The following LRRC17 variants were observed in gnomAD, a reference collection of about 807,000 sequenced individuals.
LRRC17 encodes the protein leucine-rich repeat-containing protein 17.
Under a neutral mutation model 41.5 loss-of-function variants are expected in LRRC17, and 33 were observed. The ratio of observed to expected loss-of-function variants is 0.80; its 90% CI spans 0.60 to 1.06. The LOEUF (loss-of-function observed/expected upper bound fraction) is 1.06. Ranked by LOEUF, LRRC17 falls within the 50% of genes least tolerant of loss-of-function variation. The pLI, the probability that LRRC17 is intolerant of heterozygous loss-of-function variation, is 0.00. For synonymous variants in LRRC17, 192 were observed against 197.0 expected (o/e 0.97, Z 0.21); for missense variants, 491 against 519.3 (o/e 0.95, Z 0.53).
intron 3 of LRRC17, among the ~76,000 whole-genome samples, chr7:102,941,328 G>A (rs1162919879): frequency 6.6e-6 from 1 of 152,142 alleles, no homozygotes; most frequent in Non-Finnish European, 1.5e-5. Flanking sequence ...AAAGAATCTG[G>A]AAGTGGAGAC....
Position 102,944,444 on chromosome 7 carries a change from C to T in LRRC17, c.1163C>T (p.Ser388Phe). 1 of 1,613,892 alleles carries T rather than the reference C, an allele frequency of 6.2e-7. No homozygotes were observed. Among genetic ancestry groups the T allele is most frequent in the African/African-American group, 1.3e-5 (1 of 74,978 alleles). The change falls in exon 4 of 4, where the codon TCT (serine) becomes TTT (phenylalanine). Residue 388 changes from serine to phenylalanine, a missense_variant. Physicochemically the swap from Ser to Phe is radical, Grantham distance 155. Coordinates refer to ENST00000339431, the MANE Select transcript of LRRC17 (RefSeq NM_001031692.3). ...ACGCCTGAAGAATACAAAGGATGGT[C>T]TGTGGGAAAATATATTAGAAGTTAC... ...CKTPEEYKGWSVGKYIRSYYE... is the reference protein window; with the variant it reads ...CKTPEEYKGWFVGKYIRSYYE...
At chr7:102,925,557 T>C (rs568557603) in intron 1 of LRRC17, among the ~76,000 whole-genome samples, 4 of 151,826 alleles carry the variant, frequency 2.6e-5, no homozygotes, top group African/African-American at 7.2e-5. Flanking sequence ...TCCCTAGAGG[T>C]GGTGGGAGTC....
Position 102,934,196 on chromosome 7 carries a change from A to G in LRRC17, c.283A>G (p.Thr95Ala), listed in dbSNP as rs1385052517. Residue 95 changes from threonine to alanine, a missense_variant, in exon 2 of 4, where the codon ACA becomes GCA. By Grantham distance (58) the Thr-to-Ala change is moderately conservative (BLOSUM62 0). Transcript: ENST00000339431. The part of the protein sequence containing the change: ...HMLLARNKIR[T>A]LKNNMFSKFK... ...GCTGCTAGCAAGAAACAAGATCCGC[A>G]CATTGAAGAACAACATGTTTTCCAA... 2 of 1,614,134 alleles carry G rather than the reference A, an allele frequency of 1.2e-6. No individual in the cohort carries two copies. Among genetic ancestry groups the G allele is most frequent in the Admixed American group, 3.3e-5 (2 of 60,004 alleles).
chr7:102,942,343 G>GT (rs1218924293), intron 3 of LRRC17: 2 of 1,581,770 alleles, frequency 1.3e-6, no homozygotes, highest in Admixed American at 1.8e-5. Context: ...TTTTGCTGTG[G>GT]TAAGTATACA....
rs183278180 is a variant in LRRC17 at position 102,917,071 on chromosome 7, T to C, written c.-141+3926T>C. Among the ~76,000 whole-genome samples, 8 of 152,292 alleles carry C rather than the reference T, an allele frequency of 5.3e-5. 1 individual carries two copies. In the Middle Eastern group the frequency reaches 0.02, roughly 389 times the overall value. On this transcript the variant is annotated intron_variant, in intron 1 of 3. Transcript: ENST00000339431. ...TACTCTGTAAAAGAGGGAATTTGCA[T>C]GTGGATTCTTTTGAGTTGAGTGTTG... is the stretch of plus-strand genomic sequence containing the variant.
intron 1 of LRRC17, among the ~76,000 whole-genome samples, chr7:102,925,426 A>G (rs1817934320): frequency 6.6e-6 from 1 of 152,084 alleles, no homozygotes; most frequent in Non-Finnish European, 1.5e-5. Flanking sequence ...TTTTTGATAA[A>G]TTTGAATATT....
intron 1 of LRRC17, among the ~76,000 whole-genome samples, chr7:102,929,279 G>A (rs1210648957): frequency 1.3e-5 from 2 of 152,174 alleles, no homozygotes; most frequent in East Asian, 1.9e-4. Flanking sequence ...GTTCTAAAAC[G>A]GGAGATACAT....
In LRRC17 at chr7:102,913,021, A is replaced by C; in HGVS notation, c.-265A>C. ...CAGCATTAGTATAACGTGAGGGCTG[A>C]ATGCAGCCCATTCTCTGGAGAACTT... On this transcript the variant is annotated 5_prime_UTR_variant, in exon 1 of 4. Coordinates refer to ENST00000339431, the MANE Select transcript of LRRC17 (RefSeq NM_001031692.3). 6.2e-7 allele frequency: 1 copy of C among 1,602,900 alleles called. No individual in the cohort carries two copies.
chr7:102,937,152 G>A (rs1316813759), intron 2 of LRRC17, among the ~76,000 whole-genome samples: 1 of 152,026 alleles, frequency 6.6e-6, no homozygotes, highest in African/African-American at 2.4e-5. Context: ...AACAACTTAA[G>A]TTCCTCCAAG....
chr7:102,913,327 T>A lies in LRRC17; in HGVS notation c.-141+182T>A, dbSNP rs1188190366. 1.2e-5 allele frequency: 16 copies of A among 1,328,110 alleles called. No individual in the cohort carries two copies. The East Asian group carries it at 3.9e-4, about 32-fold the overall frequency. The allele number at this position is 1,328,110 out of a possible 1,614,324, so 82.3% of individuals were successfully genotyped here. A position where few individuals can be genotyped will look rare whatever the true frequency, so the allele number is the denominator to read the frequency against. On this transcript the variant is annotated intron_variant, in intron 1 of 3. Transcript: ENST00000339431. ...TAAATTCAACTCTTCTTCTTGCAGATGTTCAACATTTAACTTTACTGTTAA... is the reference window on the plus strand; with the variant it reads ...TAAATTCAACTCTTCTTCTTGCAGAAGTTCAACATTTAACTTTACTGTTAA...
In LRRC17 at chr7:102,924,637, T is replaced by A. The variant is rs997167038; in HGVS notation, c.-140-9137T>A. 1.3e-4 allele frequency among the ~76,000 whole-genome samples: 16 copies of A among 121,698 alleles called. 1 individual carries two copies. Among genetic ancestry groups the A allele is most frequent in the African/African-American group, 1.6e-4 (6 of 38,584 alleles). 79.8% of individuals were successfully genotyped at this position (121,698 alleles called of 152,430 possible). A position where few individuals can be genotyped will look rare whatever the true frequency, so the allele number is the denominator to read the frequency against. On this transcript the variant is annotated intron_variant, in intron 1 of 3. Transcript: ENST00000339431. ...ATCACCGAGAATTTTCTGTGTAAGC[T>A]TTTCTTTTTTTTTTTTTTTTTTGAG...
intron 1 of LRRC17, among the ~76,000 whole-genome samples, chr7:102,919,590 A>C (rs1164385996): frequency 6.6e-6 from 1 of 152,226 alleles, no homozygotes; most frequent in African/African-American, 2.4e-5. Context: ...GCAGGAAAAA[A>C]TAGGTTACCA....
intron 1 of LRRC17, among the ~76,000 whole-genome samples, chr7:102,922,523 G>T (rs900788203): frequency 3.3e-5 from 5 of 152,092 alleles, no homozygotes; most frequent in South Asian, 4.1e-4. Flanking sequence ...CTATTTTGCG[G>T]ATATAAAGGA....
At chr7:102,928,029 G>C (rs1354359978) in intron 1 of LRRC17, among the ~76,000 whole-genome samples, 4 of 152,158 alleles carry the variant, frequency 2.6e-5, no homozygotes, top group African/African-American at 9.7e-5. Context: ...GAAAATGTGG[G>C]GACCAGGAAG....
intron 3 of LRRC17, among the ~76,000 whole-genome samples, chr7:102,943,385 G>A (rs899861940): frequency 8.7e-5 from 13 of 148,830 alleles, no homozygotes; most frequent in Admixed American, 8.1e-4. Context: ...ACTTAAAACT[G>A]AATATTGTAT....
chr7:102,921,150 TCAAAA>T (rs1816929450), intron 1 of LRRC17, among the ~76,000 whole-genome samples: 1 of 152,034 alleles, frequency 6.6e-6, no homozygotes, highest in African/African-American at 2.4e-5. Context: ...AGACTCCGTC[TCAAAA>T]CAAAGCGAAT....
intron 1 of LRRC17, among the ~76,000 whole-genome samples, chr7:102,913,748 A>C (rs1351821146): frequency 1.3e-5 from 2 of 152,242 alleles, no homozygotes; most frequent in Non-Finnish European, 2.9e-5. Context: ...TGAGTTTAAA[A>C]AATAGGTTTA....
chr7:102,939,611 A>G (rs753269295), intron 3 of LRRC17, 26 bp downstream of exon 3: 1 of 1,580,296 alleles, frequency 6.3e-7, no homozygotes, highest in Non-Finnish European at 8.6e-7. Flanking sequence ...TAGCCCCTTC[A>G]ATGGGTGGCA....
chr7:102,917,143 A>G (rs1166738554), intron 1 of LRRC17, among the ~76,000 whole-genome samples: 2 of 152,224 alleles, frequency 1.3e-5, no homozygotes, highest in Admixed American at 6.5e-5. Context: ...AATTCTGCAG[A>G]AAACCTAAAT....
Sources: allele counts gnomAD v4.1 joint callset (sites outside exome capture counted in the v4.1 genomes callset), GRCh38; gene constraint gnomAD v4.1.1; transcripts MANE v1.5; gene names NCBI Gene and HGNC (gene_info 2026-07-23, HGNC 2026-07-21).